TRIM13: variants seen among roughly 807,000 people sequenced by gnomAD.
TRIM13 encodes E3 ubiquitin-protein ligase TRIM13.
In TRIM13, 15 loss-of-function variants were observed where a neutral mutation model predicts 27.1. That is an observed-to-expected ratio of 0.55 (90% CI 0.37 to 0.85). TRIM13 has a LOEUF of 0.85. Among genes scored for constraint, TRIM13 ranks in the 40% least tolerant of loss-of-function variants. The pLI is 0.00. For missense variants in TRIM13, 402 were observed against 472.2 expected (o/e 0.85, Z 1.38); for synonymous variants, 193 against 171.5 (o/e 1.13, Z -0.98).
At chr13:50,004,718 G>A (rs1874453181) in intron 1 of TRIM13, among the ~76,000 whole-genome samples, 1 of 151,470 alleles carries the variant, frequency 6.6e-6, no homozygotes, top group Non-Finnish European at 1.5e-5. Flanking sequence ...TGGGGAGGTT[G>A]CCAGTGAGCC....
At chr13:49,999,330 G>A (rs577653527) in intron 1 of TRIM13, among the ~76,000 whole-genome samples, 4 of 152,208 alleles carry the variant, frequency 2.6e-5, no homozygotes, top group African/African-American at 9.6e-5. Flanking sequence ...TCAAGCCTCT[G>A]TACAAAATCG....
chr13:50,010,295 C>T (rs1010132755), intron 1 of TRIM13, among the ~76,000 whole-genome samples: 1 of 152,066 alleles, frequency 6.6e-6, no homozygotes, highest in South Asian at 2.1e-4. Context: ...GTCAAGCGGT[C>T]CACTCTCTGC....
intron 1 of TRIM13, among the ~76,000 whole-genome samples, chr13:50,000,054 A>G (rs954275703): frequency 5.3e-5 from 8 of 152,168 alleles, no homozygotes; most frequent in Admixed American, 2.0e-4. Flanking sequence ...TTCTATTCCT[A>G]CCCCATAACT....
chr13:50,011,586 GC>G (rs1875648946), intron 1 of TRIM13, among the ~76,000 whole-genome samples: 1 of 152,176 alleles, frequency 6.6e-6, no homozygotes, highest in Non-Finnish European at 1.5e-5. Context: ...ACACTGAATA[GC>G]CTTGTTTTTG....
At position 50,014,027 on chromosome 13, in the gene TRIM13, C is replaced by G. The variant is rs970304804; in HGVS notation, c.*863C>G. ...CAAAATGTGAATGGTACATACAAAACCTGGCATTTTCTTGTGATAAGTTTA... is the reference window on the plus strand; with the variant it reads ...CAAAATGTGAATGGTACATACAAAAGCTGGCATTTTCTTGTGATAAGTTTA... On this transcript the variant is annotated 3_prime_UTR_variant, in exon 2 of 2. Transcript: ENST00000378182. 1 of 166,518 alleles carries G rather than the reference C, an allele frequency of 6.0e-6. No homozygotes were observed. The highest frequency in any genetic ancestry group is 1.5e-5 in the Non-Finnish European group (1 of 68,016). The allele number at this position is 166,518 out of a possible 1,614,324, so 10.3% of individuals were successfully genotyped here. A position where few individuals can be genotyped will look rare whatever the true frequency, so the allele number is the denominator to read the frequency against.
At chr13:49,998,686 T>C (rs1873588324) in intron 1 of TRIM13, among the ~76,000 whole-genome samples, 1 of 152,174 alleles carries the variant, frequency 6.6e-6, no homozygotes, top group Non-Finnish European at 1.5e-5. Flanking sequence ...CCGGTGACTT[T>C]GGGAGGCTGA....
chr13:50,001,777 T>G (rs748751286), intron 1 of TRIM13, among the ~76,000 whole-genome samples: 1 of 152,174 alleles, frequency 6.6e-6, no homozygotes, highest in East Asian at 1.9e-4. Flanking sequence ...GTGTAATACA[T>G]TAATTTTCAT....
chr13:50,009,690 TAG>T (rs1224774944), intron 1 of TRIM13, among the ~76,000 whole-genome samples: 12 of 134,008 alleles, frequency 9.0e-5, no homozygotes, highest in African/African-American at 3.2e-4. Context: ...TGAGCCAAGA[TAG>T]CACCACTGCA....
rs34741583 is a variant in TRIM13 at position 50,007,782 on chromosome 13, C to CAAAA, written c.-6-4140_-6-4137dup. ...GGGTGACAAGAGTGAGACTTAGTCTCAAAAAAAAAAAAAAAAGCCATAAAC... is the reference window on the plus strand; with the variant it reads ...GGGTGACAAGAGTGAGACTTAGTCTCAAAAAAAAAAAAAAAAAAAAGCCATAAAC... On this transcript the variant is annotated intron_variant, in intron 1 of 1. Transcript: ENST00000378182. 6.8e-3 allele frequency among the ~76,000 whole-genome samples: 873 copies of CAAAA among 127,728 alleles called. 18 individuals are homozygous for CAAAA. Among genetic ancestry groups the CAAAA allele is most frequent in the African/African-American group, 0.016 (491 of 31,480 alleles). The allele number at this position is 127,728 out of a possible 152,430, so 83.8% of individuals were successfully genotyped here.
Position 50,015,904 on chromosome 13 carries a change from A to G in TRIM13, c.*2740A>G. The G allele has an allele frequency of 6.2e-7, 1 of 1,614,118 alleles. No homozygotes were observed. Among genetic ancestry groups the G allele is most frequent in the Non-Finnish European group, 8.5e-7 (1 of 1,180,004 alleles). ...GCAGCAAAACAATTGAGATGCTAACAGGGAGGATTACAGTGTTTACAGAAC... is the reference window on the plus strand; with the variant it reads ...GCAGCAAAACAATTGAGATGCTAACGGGGAGGATTACAGTGTTTACAGAAC... On this transcript the variant is annotated 3_prime_UTR_variant, in exon 2 of 2. Transcript: ENST00000378182.
rs539145406 is a variant in TRIM13, at chr13:50,016,098, T to C, written c.*2934T>C. 135 of 1,520,486 alleles carry C rather than the reference T, an allele frequency of 8.9e-5. No individual in the cohort carries two copies. The South Asian group carries it at 1.5e-3, about 17-fold the overall frequency. 94.2% of individuals were successfully genotyped at this position (1,520,486 alleles called of 1,614,324 possible). On this transcript the variant is annotated 3_prime_UTR_variant, in exon 2 of 2. Transcript: ENST00000378182. ...TATTTTGTACTTTGCAGTATTTCTC[T>C]TGTATACCAGTTTGTGATGTTTTCT...
At chr13:50,000,284 G>T (rs1475415313) in intron 1 of TRIM13, among the ~76,000 whole-genome samples, 2 of 152,174 alleles carry the variant, frequency 1.3e-5, no homozygotes, top group Non-Finnish European at 2.9e-5. Context: ...AGTTCATAAA[G>T]TGATATAAAC....
In TRIM13 at chr13:50,015,077, A is replaced by T. The variant is rs1470957848; in HGVS notation, c.*1913A>T. ...GAATGCTTTTCCCCTCCCAGTAATAAAAAAAAAAAAAAAAAAAATATATAT... is the reference window on the plus strand; with the variant it reads ...GAATGCTTTTCCCCTCCCAGTAATATAAAAAAAAAAAAAAAAAATATATAT... On this transcript the variant is annotated 3_prime_UTR_variant, in exon 2 of 2. Coordinates refer to ENST00000378182, the MANE Select transcript of TRIM13 (RefSeq NM_213590.3). The T allele has an allele frequency of 6.8e-4, 2 of 2,930 alleles. No individual in the cohort carries two copies. The highest frequency in any genetic ancestry group is 6.1e-3 in the Non-Finnish European group (2 of 330). The allele number at this position is 2,930 out of a possible 1,614,324, so 0.2% of individuals were successfully genotyped here. A position where few individuals can be genotyped will look rare whatever the true frequency, so the allele number is the denominator to read the frequency against.
intron 1 of TRIM13, among the ~76,000 whole-genome samples, chr13:50,005,280 T>C (rs557504380): frequency 6.6e-6 from 1 of 152,264 alleles, no homozygotes; most frequent in Non-Finnish European, 1.5e-5. Context: ...TTCAAAACTT[T>C]GGAGGCAACA....
chr13:50,011,379 G>A (rs922069597), intron 1 of TRIM13, among the ~76,000 whole-genome samples: 1 of 152,178 alleles, frequency 6.6e-6, no homozygotes, highest in South Asian at 2.1e-4. Context: ...CTAGAAGAGT[G>A]AATTGCAACT....
intron 1 of TRIM13, among the ~76,000 whole-genome samples, chr13:50,009,370 G>T (rs1171197746): frequency 2.0e-5 from 3 of 152,134 alleles, no homozygotes; most frequent in Admixed American, 2.0e-4. Flanking sequence ...CACTTTGGGA[G>T]GTGGAGGTGG....
chr13:50,004,339 A>C (rs1042686455), intron 1 of TRIM13, among the ~76,000 whole-genome samples: 1 of 152,106 alleles, frequency 6.6e-6, no homozygotes, highest in Admixed American at 6.5e-5. Context: ...ATGTACCTGT[A>C]GTACCTTACA....
At position 50,018,048 on chromosome 13, in the gene TRIM13, T is replaced by C. The variant is rs1039309668; in HGVS notation, c.*4884T>C. 6.0e-6 allele frequency: 1 copy of C among 167,048 alleles called. No individual in the cohort carries two copies. Among genetic ancestry groups the C allele is most frequent in the Non-Finnish European group, 1.5e-5 (1 of 68,104 alleles). 10.3% of individuals were successfully genotyped at this position (167,048 alleles called of 1,614,324 possible). ...TCATGTTATCAAGCTCAAATTATAGTTGGTCACAGGATTCTAAAGTCTTTA... is the reference window on the plus strand; with the variant it reads ...TCATGTTATCAAGCTCAAATTATAGCTGGTCACAGGATTCTAAAGTCTTTA... On this transcript the variant is annotated 3_prime_UTR_variant, in exon 2 of 2. Transcript: ENST00000378182.
chr13:50,005,533 G>T (rs1388332353), intron 1 of TRIM13, among the ~76,000 whole-genome samples: 1 of 151,540 alleles, frequency 6.6e-6, no homozygotes, highest in Admixed American at 6.6e-5. Context: ...AATTAGCCTG[G>T]CATGGTTGTA....
Sources: allele counts gnomAD v4.1 joint callset (sites outside exome capture counted in the v4.1 genomes callset), GRCh38; gene constraint gnomAD v4.1.1; transcripts MANE v1.5; gene names NCBI Gene and HGNC (gene_info 2026-07-23, HGNC 2026-07-21).